Variants in TBC1D5 observed in about 807,000 individuals in gnomAD.
TBC1D5 encodes TBC1 domain family member 5.
Under a neutral mutation model 100.3 loss-of-function variants are expected in TBC1D5, and 75 were observed. The observed-to-expected ratio is 0.75, with a 90% CI of 0.62 to 0.91. TBC1D5 has a LOEUF of 0.91. Among genes scored for constraint, TBC1D5 ranks in the 40% least tolerant of loss-of-function variants. The pLI, the probability that TBC1D5 is intolerant of heterozygous loss-of-function variation, is 0.00. For missense variants in TBC1D5, 910 were observed against 942.4 expected (o/e 0.97, Z 0.45); for synonymous variants, 323 against 325.6 (o/e 0.99, Z 0.09).
chr3:17,463,098 C>A (rs938161253), intron 3 of TBC1D5, among the ~76,000 whole-genome samples: 1 of 152,284 alleles, frequency 6.6e-6, no homozygotes, highest in East Asian at 1.9e-4. Flanking sequence ...GTTAAAAAAC[C>A]TCCTTCCATC....
At chr3:17,576,980 G>A (rs2096661099) in intron 2 of TBC1D5, among the ~76,000 whole-genome samples, 1 of 151,930 alleles carries the variant, frequency 6.6e-6, no homozygotes, top group Admixed American at 6.6e-5. Flanking sequence ...AAATTTCTCT[G>A]AACAAATTTT....
intron 13 of TBC1D5, among the ~76,000 whole-genome samples, chr3:17,338,143 T>C (rs1013032935): frequency 6.6e-6 from 1 of 152,230 alleles, no homozygotes; most frequent in Non-Finnish European, 1.5e-5. Context: ...AATAATTTGT[T>C]GTTTAGGGAA....
chr3:17,625,307 T>A (rs1030586727), intron 1 of TBC1D5, among the ~76,000 whole-genome samples: 1 of 152,086 alleles, frequency 6.6e-6, no homozygotes, highest in African/African-American at 2.4e-5. Flanking sequence ...AATATACATG[T>A]AAGTATGTAG....
chr3:17,390,956 T>A (rs904993607), intron 8 of TBC1D5, among the ~76,000 whole-genome samples: 1 of 152,112 alleles, frequency 6.6e-6, no homozygotes, highest in Non-Finnish European at 1.5e-5. Flanking sequence ...CAGCTTCCTT[T>A]TCAGTTAGCT....
At chr3:17,334,915 A>G (rs1559655688) in intron 13 of TBC1D5, among the ~76,000 whole-genome samples, 1 of 152,088 alleles carries the variant, frequency 6.6e-6, no homozygotes, top group Non-Finnish European at 1.5e-5. Flanking sequence ...TTTTGGGGGG[A>G]AAATCTACAG....
chr3:17,273,658 T>G (rs1338183804), intron 15 of TBC1D5, among the ~76,000 whole-genome samples: 4 of 151,864 alleles, frequency 2.6e-5, no homozygotes, highest in African/African-American at 9.7e-5. Context: ...AACACAAAAA[T>G]TAGCCAGGTG....
rs150685804 is a variant in TBC1D5, at chr3:17,665,628, G to A, written c.-100-41715C>T. ...GCTGCAGCTGTGCACCGGGTTAACT[G>A]TTTCAATGGTTTTCCTACAATAACT... On this transcript the variant is annotated intron_variant, in intron 1 of 21. Transcript: ENST00000253692. 2.8e-3 allele frequency among the ~76,000 whole-genome samples: 427 copies of A among 152,266 alleles called. 2 individuals are homozygous for A. The highest frequency in any genetic ancestry group is 8.5e-3 in the African/African-American group (353 of 41,554).
chr3:17,717,899 T>A (rs1276284330), intron 1 of TBC1D5, among the ~76,000 whole-genome samples: 3 of 152,304 alleles, frequency 2.0e-5, no homozygotes, highest in African/African-American at 7.2e-5. Context: ...TTTTTTTTTA[T>A]GCTGACAGCA....
At chr3:17,607,904 T>C (rs982366404) in intron 2 of TBC1D5, among the ~76,000 whole-genome samples, 5 of 152,052 alleles carry the variant, frequency 3.3e-5, no homozygotes, top group African/African-American at 1.2e-4. Flanking sequence ...ACACCACTCA[T>C]GATTTTTAAA....
intron 2 of TBC1D5, among the ~76,000 whole-genome samples, chr3:17,564,195 T>C (rs763155804): frequency 6.6e-6 from 1 of 152,084 alleles, no homozygotes; most frequent in East Asian, 1.9e-4. Context: ...GAAAAGCAAA[T>C]TGGAGGAAAA....
chr3:17,394,047 T>C (rs986963694), intron 8 of TBC1D5, among the ~76,000 whole-genome samples: 4 of 152,094 alleles, frequency 2.6e-5, no homozygotes, highest in Middle Eastern at 3.4e-3. Flanking sequence ...CTCACAGCTC[T>C]AGCAAGTAGA....
chr3:17,285,816 G>A (rs920732889), intron 15 of TBC1D5, among the ~76,000 whole-genome samples: 5 of 152,228 alleles, frequency 3.3e-5, no homozygotes, highest in African/African-American at 1.2e-4. Context: ...CAGACTTTTT[G>A]TAATTTAAAA....
intron 4 of TBC1D5, among the ~76,000 whole-genome samples, chr3:17,412,789 A>G (rs990586228): frequency 2.0e-5 from 3 of 152,156 alleles, no homozygotes; most frequent in Non-Finnish European, 2.9e-5. Flanking sequence ...TTGTCAAGAG[A>G]ATAAAGAAAT....
intron 2 of TBC1D5, among the ~76,000 whole-genome samples, chr3:17,549,508 G>T (rs1414904625): frequency 1.3e-5 from 2 of 151,968 alleles, no homozygotes; most frequent in Non-Finnish European, 2.9e-5. Flanking sequence ...GAATAAAAAT[G>T]GAGACATTAA....
rs148519487 is a variant in TBC1D5 at position 17,514,132 on chromosome 3, T to C, written c.-35-5527A>G. Among the ~76,000 whole-genome samples, 27 of 152,308 alleles carry C rather than the reference T, an allele frequency of 1.8e-4. No individual in the cohort carries two copies. In the East Asian group the frequency reaches 3.1e-3, roughly 17 times the overall value. ...CGATCTTTAATGCAAGAGGGTTACA[T>C]TGGACTTTAAGTTAATTAAGTATTA... On this transcript the variant is annotated intron_variant, in intron 2 of 21. Coordinates refer to ENST00000253692, the Ensembl canonical transcript of TBC1D5.
chr3:17,518,453 G>A (rs2153277061), intron 2 of TBC1D5, among the ~76,000 whole-genome samples: 1 of 152,266 alleles, frequency 6.6e-6, no homozygotes, highest in Admixed American at 6.5e-5. Flanking sequence ...GCATAACTTT[G>A]GAGAATAATC....
intron 1 of TBC1D5, among the ~76,000 whole-genome samples, chr3:17,694,740 C>T (rs1395369056): frequency 2.6e-5 from 4 of 152,126 alleles, no homozygotes; most frequent in Admixed American, 2.0e-4. Context: ...TCAGGAAATA[C>T]AGAGAACACC....
Position 17,295,928 on chromosome 3 carries a change from G to A in TBC1D5, c.1139-3927C>T, listed in dbSNP as rs1023799816. 2.0e-5 allele frequency among the ~76,000 whole-genome samples: 3 copies of A among 152,144 alleles called. No homozygotes were observed. In the East Asian group the frequency reaches 5.8e-4, roughly 29 times the overall value. ...GACTCTCTATTATAGCTGAGATAGT[G>A]CAGAGTAGGTAACAGCACAGCCAAG... On this transcript the variant is annotated intron_variant, in intron 14 of 21. Transcript: ENST00000253692.
chr3:17,701,226 A>G (rs1482005625), intron 1 of TBC1D5, among the ~76,000 whole-genome samples: 3 of 152,134 alleles, frequency 2.0e-5, no homozygotes, highest in Admixed American at 1.3e-4. Flanking sequence ...AACTATCACA[A>G]GGACAGAAAA....
Sources: allele counts gnomAD v4.1 joint callset (sites outside exome capture counted in the v4.1 genomes callset), GRCh38; gene constraint gnomAD v4.1.1; transcripts MANE v1.5; gene names NCBI Gene and HGNC (gene_info 2026-07-23, HGNC 2026-07-21).